ARHGAP10: variants seen among roughly 807,000 people sequenced by gnomAD.
ARHGAP10 encodes the protein rho GTPase-activating protein 10.
A neutral mutation model predicts 108.6 loss-of-function variants in ARHGAP10; 87 were observed. That is an observed-to-expected ratio of 0.80 (90% CI 0.67 to 0.96). ARHGAP10 has a LOEUF of 0.96. ARHGAP10 is among the 40% of genes least tolerant of loss of function. The pLI, the probability that ARHGAP10 is intolerant of heterozygous loss-of-function variation, is 0.00. For missense variants in ARHGAP10, 939 were observed against 954.5 expected (o/e 0.98, Z 0.21); for synonymous variants, 347 against 341.1 (o/e 1.02, Z -0.19).
At chr4:148,049,539 A>T (rs1036671380) in intron 20 of ARHGAP10, among the ~76,000 whole-genome samples, 3 of 151,962 alleles carry the variant, frequency 2.0e-5, no homozygotes, top group Non-Finnish European at 4.4e-5. Context: ...GCTCAAGCCA[A>T]TCCTGACCTA....
chr4:147,919,872 A>T (rs1041807686), intron 13 of ARHGAP10, among the ~76,000 whole-genome samples: 1 of 151,820 alleles, frequency 6.6e-6, no homozygotes, highest in Non-Finnish European at 1.5e-5. Flanking sequence ...GAGCCACTGT[A>T]CCTGGCCTTA....
At chr4:147,762,130 C>T (rs1489168690) in intron 1 of ARHGAP10, among the ~76,000 whole-genome samples, 1 of 152,194 alleles carries the variant, frequency 6.6e-6, no homozygotes, top group Non-Finnish European at 1.5e-5. Flanking sequence ...GCTTCAGCCT[C>T]CCGAGTAGCT....
intron 13 of ARHGAP10, among the ~76,000 whole-genome samples, chr4:147,927,403 C>G (rs1737504498): frequency 6.6e-6 from 1 of 152,134 alleles, no homozygotes; most frequent in Non-Finnish European, 1.5e-5. Context: ...TGCAACACCT[C>G]GTGAGGTCTC....
At chr4:148,053,503 G>A (rs1257881846) in intron 20 of ARHGAP10, among the ~76,000 whole-genome samples, 1 of 152,196 alleles carries the variant, frequency 6.6e-6, no homozygotes, top group Non-Finnish European at 1.5e-5. Flanking sequence ...CTCCCCCACA[G>A]CAGAGCTTGA....
intron 1 of ARHGAP10, among the ~76,000 whole-genome samples, chr4:147,741,516 CA>C (rs776113735): frequency 3.9e-5 from 6 of 152,120 alleles, no homozygotes; most frequent in Non-Finnish European, 5.9e-5. Flanking sequence ...TGGTAACTGT[CA>C]AGCTAGTTGG....
chr4:147,808,824 C>G (rs903225536), intron 1 of ARHGAP10: 3 of 152,306 alleles, frequency 2.0e-5, no homozygotes, highest in African/African-American at 4.8e-5. Flanking sequence ...TCCCTCTGCC[C>G]CCTCCCTTCT....
At chr4:148,044,239 C>CT (rs1728777500) in intron 19 of ARHGAP10, among the ~76,000 whole-genome samples, 1 of 152,068 alleles carries the variant, frequency 6.6e-6, no homozygotes, top group African/African-American at 2.4e-5. Flanking sequence ...ATGATCTGCT[C>CT]TATCTGGTTG....
In ARHGAP10 at chr4:148,072,115, C is replaced by G; in HGVS notation, c.*34C>G. 3 of 1,582,480 alleles carry G rather than the reference C, an allele frequency of 1.9e-6. No homozygotes were observed. The South Asian group carries it at 3.4e-5, about 18-fold the overall frequency. ...CTCAGAGCCCCTGCTGACCCTGGCA[C>G]CCAGGGACCTGCCTGGGGGCAGAGA... On this transcript the variant is annotated 3_prime_UTR_variant, in exon 23 of 23. Coordinates refer to ENST00000336498, the MANE Select transcript of ARHGAP10 (RefSeq NM_024605.4).
At chr4:147,856,893 C>T (rs1255203274) in intron 4 of ARHGAP10, among the ~76,000 whole-genome samples, 1 of 152,142 alleles carries the variant, frequency 6.6e-6, no homozygotes, top group Non-Finnish European at 1.5e-5. Flanking sequence ...CACCCTGTTG[C>T]CCAGGCTGGA....
intron 13 of ARHGAP10, among the ~76,000 whole-genome samples, chr4:147,924,847 G>A (rs540408603): frequency 1.3e-5 from 2 of 152,254 alleles, no homozygotes; most frequent in African/African-American, 4.8e-5. Context: ...TTAGGACATT[G>A]GCACCTGTTG....
chr4:147,957,537 G>A (rs1738830501), intron 16 of ARHGAP10, among the ~76,000 whole-genome samples: 1 of 152,186 alleles, frequency 6.6e-6, no homozygotes, highest in Non-Finnish European at 1.5e-5. Context: ...TTGCTCAAGT[G>A]TCTGTTAGCT....
intron 1 of ARHGAP10, among the ~76,000 whole-genome samples, chr4:147,757,466 G>A (rs1238372751): frequency 1.3e-5 from 2 of 152,144 alleles, no homozygotes; most frequent in African/African-American, 4.8e-5. Context: ...AAAGTGCTCG[G>A]ATTACAGGTG....
intron 11 of ARHGAP10, among the ~76,000 whole-genome samples, chr4:147,907,315 G>C (rs10004691): frequency 0.1 from 15,832 of 152,136 alleles, 977 homozygotes; most frequent in East Asian, 0.29. Flanking sequence ...ATGGACTAGT[G>C]GCTTTTGAGA....
intron 1 of ARHGAP10, among the ~76,000 whole-genome samples, chr4:147,798,409 G>A (rs967665420): frequency 2.6e-5 from 4 of 152,100 alleles, no homozygotes; most frequent in Non-Finnish European, 1.5e-5. Context: ...TGAATCTTCT[G>A]TGTTAAAAAA....
Position 148,056,940 on chromosome 4 carries a change from G to A in ARHGAP10, c.2028-6208G>A, listed in dbSNP as rs140928675. Among the ~76,000 whole-genome samples, 19 of 152,214 alleles carry A rather than the reference G, an allele frequency of 1.2e-4. No individual in the cohort carries two copies. In the East Asian group the frequency reaches 2.1e-3, roughly 17 times the overall value. On this transcript the variant is annotated intron_variant, in intron 20 of 22. Coordinates refer to ENST00000336498, the MANE Select transcript of ARHGAP10 (RefSeq NM_024605.4). Reference sequence around the variant, plus strand: ...TGCTTGCTATGCTTCAGGGCTTTACGCCTATCATCTCATTTAAACCCACAG... The same window carrying A: ...TGCTTGCTATGCTTCAGGGCTTTACACCTATCATCTCATTTAAACCCACAG...
intron 1 of ARHGAP10, among the ~76,000 whole-genome samples, chr4:147,817,588 AC>A (rs1395636616): frequency 6.6e-6 from 1 of 151,942 alleles, no homozygotes; most frequent in African/African-American, 2.4e-5. Context: ...CTCAAATATA[AC>A]CCCTCATCTC....
intron 5 of ARHGAP10, chr4:147,860,956 T>G (rs1205035993): frequency 6.6e-6 from 1 of 152,228 alleles, no homozygotes; most frequent in Non-Finnish European, 1.5e-5. Context: ...TTCTTGTAAG[T>G]GAGGGCTGTT....
At chr4:148,060,842 C>T (rs1218239850) in intron 20 of ARHGAP10, among the ~76,000 whole-genome samples, 15 of 152,016 alleles carry the variant, frequency 9.9e-5, no homozygotes, top group East Asian at 3.9e-4. Context: ...GATCACATAG[C>T]GCATGTGTTA....
At chr4:147,817,877 G>A (rs543565779) in intron 1 of ARHGAP10, among the ~76,000 whole-genome samples, 109 of 152,298 alleles carry the variant, frequency 7.2e-4, no homozygotes, top group Middle Eastern at 6.8e-3. Flanking sequence ...TAGGGGGCAT[G>A]GAGTTACAAA....
Sources: gnomAD v4.1 joint callset for allele counts (sites outside exome capture counted in the v4.1 genomes callset) on GRCh38, gnomAD v4.1.1 for gene constraint, MANE v1.5 for transcripts, NCBI Gene and HGNC (gene_info 2026-07-23, HGNC 2026-07-21) for gene names.